The following AGO1 variants were observed in gnomAD, a reference collection of about 807,000 sequenced individuals.
AGO1 encodes the protein argonaute RISC component 1, also known as protein argonaute-1.
A neutral mutation model predicts 109.2 loss-of-function variants in AGO1; 11 were observed. The observed-to-expected ratio is 0.10, with a 90% CI of 0.06 to 0.17. The LOEUF is 0.17. AGO1 is among the 10% of genes least tolerant of loss of function. The pLI, the probability that AGO1 is intolerant of heterozygous loss-of-function variation, is 1.00. For synonymous variants in AGO1, 422 were observed against 418.6 expected (o/e 1.01, Z -0.10); for missense variants, 574 against 1,140.3 (o/e 0.50, Z 7.15).
In AGO1 at chr1:35,929,258, A is replaced by T. The variant is rs1645989900; in HGVS notation, c.*9651A>T. ...TTCCTACTTCTTGATATTACAAATC[A>T]TGAGCCTTTCACATGCATTGACTCT... On this transcript the variant is annotated 3_prime_UTR_variant, in exon 19 of 19. Coordinates refer to ENST00000373204, the MANE Select transcript of AGO1 (RefSeq NM_012199.5). The T allele has an allele frequency of 6.6e-6, 1 of 152,266 alleles. No individual in the cohort carries two copies. Among genetic ancestry groups the T allele is most frequent in the African/African-American group, 2.4e-5 (1 of 41,472 alleles). 9.4% of individuals were successfully genotyped at this position (152,266 alleles called of 1,614,324 possible).
Position 35,893,984 on chromosome 1 carries a change from T to C in AGO1, c.650-53T>C, listed in dbSNP as rs1247664198. 4.6e-6 allele frequency: 7 copies of C among 1,523,012 alleles called. No individual in the cohort carries two copies. The highest frequency in any genetic ancestry group is 4.2e-5 in the African/African-American group (3 of 72,060). 94.3% of individuals were successfully genotyped at this position (1,523,012 alleles called of 1,614,324 possible). ...GAGGGTATAAATTGCTGTGCCTCCA[T>C]GTATTGTGGAAGACAGAACCTGAGC... On this transcript the variant is annotated intron_variant, in intron 5 of 18. Transcript: ENST00000373204. The surrounding 1 kb of genome is among the most constrained non-coding windows in gnomAD (Gnocchi z 5.6).
intron 2 of AGO1, among the ~76,000 whole-genome samples, chr1:35,889,094 A>AAATGAATGGGATG (rs1645170883): frequency 7.8e-6 from 1 of 128,014 alleles, no homozygotes. Context: ...CAGAGGGGAG[A>AAATGAATGGGATG]AATGAATGGG....
In AGO1 at chr1:35,919,370, G is replaced by A. The variant is rs909541209; in HGVS notation, c.2465+116G>A. On this transcript the variant is annotated intron_variant, in intron 18 of 18. Transcript: ENST00000373204. The surrounding 1 kb of genome is among the most constrained non-coding windows in gnomAD (Gnocchi z 6.6). ...TGTCCAATTTGGTGTCATTGGGCTC[G>A]TCTGCCCAATCCTGGGTTGGGTTTC... The A allele has an allele frequency of 2.3e-5, 33 of 1,446,188 alleles. No homozygotes were observed. The South Asian group carries it at 2.6e-4, about 12-fold the overall frequency. The allele number at this position is 1,446,188 out of a possible 1,614,324, so 89.6% of individuals were successfully genotyped here.
Position 35,883,532 on chromosome 1 carries a change from C to A in AGO1, c.25+86C>A. On this transcript the variant is annotated intron_variant, in intron 1 of 18. Coordinates refer to ENST00000373204, the MANE Select transcript of AGO1 (RefSeq NM_012199.5). This position sits in a 1 kb window ranked among gnomAD's most constrained non-coding sequence, Gnocchi z 5.4. ...AAGCGTGGTTTCCAAGTGATGGAAG[C>A]GCTCCTGAGTGAGGAGAAGGGCTCT... 6.9e-7 allele frequency: 1 copy of A among 1,450,002 alleles called. No individual in the cohort carries two copies. Among genetic ancestry groups the A allele is most frequent in the Non-Finnish European group, 9.1e-7 (1 of 1,101,770 alleles). The allele number at this position is 1,450,002 out of a possible 1,614,324, so 89.8% of individuals were successfully genotyped here. A position where few individuals can be genotyped will look rare whatever the true frequency, so the allele number is the denominator to read the frequency against.
intron 12 of AGO1, among the ~76,000 whole-genome samples, chr1:35,910,385 A>G (rs1645610424): frequency 6.6e-6 from 1 of 151,484 alleles, no homozygotes; most frequent in African/African-American, 2.4e-5. Context: ...CACTAAACTG[A>G]TATTATTGTT....
chr1:35,884,815 TGTGTCTTAA>T (rs1362707265), intron 1 of AGO1, among the ~76,000 whole-genome samples: 1 of 152,180 alleles, frequency 6.6e-6, no homozygotes, highest in African/African-American at 2.4e-5. Context: ...TGATACCTCT[TGTGTCTTAA>T]GTGTCTTACC....
chr1:35,902,077 A>T lies in AGO1; in HGVS notation c.1263+7A>T. ...CTTGCAGTACGGCGGCCGGGTGAGC[A>T]GGGTCAGGGCCAGACAACATCTCGG... is the stretch of plus-strand genomic sequence containing the variant. On this transcript the variant is annotated splice_region_variant and intron_variant, in intron 10 of 18. Coordinates refer to ENST00000373204, the MANE Select transcript of AGO1 (RefSeq NM_012199.5). The T allele has an allele frequency of 6.3e-7, 1 of 1,598,166 alleles. No homozygotes were observed. Among genetic ancestry groups the T allele is most frequent in the Non-Finnish European group, 8.5e-7 (1 of 1,171,936 alleles).
rs1274111829 is a variant in AGO1, at chr1:35,893,637, G to A, written c.513-37G>A. ...AGGATGCCTCACAGGGTGGGGGCCT[G>A]TGCCCGAGGGACCAGTTCTCTGCCT... On this transcript the variant is annotated intron_variant, in intron 4 of 18. Coordinates refer to ENST00000373204, the MANE Select transcript of AGO1 (RefSeq NM_012199.5). This position sits in a 1 kb window ranked among gnomAD's most constrained non-coding sequence, Gnocchi z 5.6. 2 of 1,580,810 alleles carry A rather than the reference G, an allele frequency of 1.3e-6. No homozygotes were observed. Among genetic ancestry groups the A allele is most frequent in the African/African-American group, 1.3e-5 (1 of 74,380 alleles).
chr1:35,878,250 ATT>A (rs966984629), upstream of AGO1, among the ~76,000 whole-genome samples: 1 of 150,382 alleles, frequency 6.6e-6, no homozygotes, highest in Admixed American at 6.6e-5. Flanking sequence ...TGCCTGGCTA[ATT>A]TTTTTTGTAT....
chr1:35,890,079 G>A (rs1006665061), intron 2 of AGO1, among the ~76,000 whole-genome samples: 17 of 151,914 alleles, frequency 1.1e-4, no homozygotes, highest in African/African-American at 4.1e-4. Flanking sequence ...CTAGAGTGCA[G>A]TGGCGTGATC....
chr1:35,914,080 A>T, intron 13 of AGO1, 79 bp downstream of exon 13: 1 of 1,598,008 alleles, frequency 6.3e-7, no homozygotes, highest in Admixed American at 1.7e-5. Context: ...CTGGCCAGGC[A>T]GACTGAATCA....
At chr1:35,906,219 G>A (rs1021515549) in intron 11 of AGO1, among the ~76,000 whole-genome samples, 29 of 152,170 alleles carry the variant, frequency 1.9e-4, no homozygotes, top group African/African-American at 7.0e-4. Context: ...GGGAAGGAGG[G>A]AACTCATTTT....
rs1645240210 is a variant in AGO1, at chr1:35,892,594, C to G, written c.247C>G (p.Gln83Glu). The G allele has an allele frequency of 6.2e-7, 1 of 1,614,120 alleles. No homozygotes were observed. The highest frequency in any genetic ancestry group is 8.5e-7 in the Non-Finnish European group (1 of 1,180,056). The change falls in exon 3 of 19, where the codon CAG becomes GAG. Residue 83 changes from glutamine (Q) to glutamate (E), a missense_variant. By Grantham distance (29) the Gln-to-Glu change is conservative (BLOSUM62 2). Transcript: ENST00000373204. ...VEYMVQHFKPQIFGDRKPVYD... is the reference protein window; with the variant it reads ...VEYMVQHFKPEIFGDRKPVYD... ...ATACATGGTCCAGCATTTCAAGCCT[C>G]AGATCTTTGGTGATCGCAAGCCTGT...
chr1:35,898,139 T>C (rs1645350893), intron 8 of AGO1, among the ~76,000 whole-genome samples: 1 of 152,236 alleles, frequency 6.6e-6, no homozygotes, highest in Admixed American at 6.5e-5. Context: ...GTTTCTACTT[T>C]TTGGGTATCA....
chr1:35,930,478 G>A lies in AGO1; in HGVS notation c.*10871G>A, dbSNP rs951950535. On this transcript the variant is annotated 3_prime_UTR_variant, in exon 19 of 19. Coordinates refer to ENST00000373204, the MANE Select transcript of AGO1 (RefSeq NM_012199.5). ...CGCCGTGCGTTTTCACCCTGGAAAG[G>A]AGTTTGGGTTTTCAAGTGTGACGAG... 6.6e-6 allele frequency: 1 copy of A among 152,264 alleles called. No homozygotes were observed. Among genetic ancestry groups the A allele is most frequent in the Non-Finnish European group, 1.5e-5 (1 of 68,066 alleles). 9.4% of individuals were successfully genotyped at this position (152,264 alleles called of 1,614,324 possible).
At chr1:35,878,302 G>A (rs986149954), upstream of AGO1, among the ~76,000 whole-genome samples, 1 of 151,676 alleles carries the variant, frequency 6.6e-6, no homozygotes, top group African/African-American at 2.4e-5. Flanking sequence ...AGCCAGGACA[G>A]TCTCAATCTC....
At chr1:35,908,655 C>G (rs1395102007) in intron 12 of AGO1, among the ~76,000 whole-genome samples, 4 of 152,154 alleles carry the variant, frequency 2.6e-5, no homozygotes, top group African/African-American at 9.7e-5. Context: ...TTTGTCTTTA[C>G]TACTTCTGTA....
Position 35,901,432 on chromosome 1 carries a change from C to G in AGO1, c.1021-42C>G, listed in dbSNP as rs768071079. ...TGTGGGGCTCTGGGTACAGGGTGGACTGTACTCAAGCCAGAGCTACCTGTC... is the reference window on the plus strand; with the variant it reads ...TGTGGGGCTCTGGGTACAGGGTGGAGTGTACTCAAGCCAGAGCTACCTGTC... On this transcript the variant is annotated intron_variant, in intron 8 of 18. Transcript: ENST00000373204. The surrounding 1 kb of genome is among the most constrained non-coding windows in gnomAD (Gnocchi z 4.8). The G allele has an allele frequency of 6.2e-7, 1 of 1,612,836 alleles. No individual in the cohort carries two copies. The highest frequency in any genetic ancestry group is 1.3e-5 in the African/African-American group (1 of 74,908).
chr1:35,908,308 T>G (rs1485980116), intron 12 of AGO1, among the ~76,000 whole-genome samples: 2 of 152,236 alleles, frequency 1.3e-5, no homozygotes, highest in Non-Finnish European at 2.9e-5. Flanking sequence ...ATTATTTTTG[T>G]CATTACCAGG....
Sources: allele counts gnomAD v4.1 joint callset (sites outside exome capture counted in the v4.1 genomes callset), GRCh38; gene constraint gnomAD v4.1.1; non-coding constraint Gnocchi (gnomAD v3.1); transcripts MANE v1.5; gene names NCBI Gene and HGNC (gene_info 2026-07-23, HGNC 2026-07-21).